The following CAP2 variants were observed in gnomAD, a reference collection of about 807,000 sequenced individuals.
CAP2 encodes adenylyl cyclase-associated protein 2.
In CAP2, 24 loss-of-function variants were observed where a neutral mutation model predicts 57.7. The ratio of observed to expected loss-of-function variants is 0.42; its 90% CI spans 0.30 to 0.58. CAP2 has a LOEUF of 0.58. Ranked by LOEUF, CAP2 falls within the 20% of genes least tolerant of loss-of-function variation. CAP2 has a pLI of 0.22. For synonymous variants in CAP2, 194 were observed against 207.2 expected (o/e 0.94, Z 0.55); for missense variants, 501 against 590.3 (o/e 0.85, Z 1.57).
At chr6:17,464,199 C>T (rs899653916) in intron 4 of CAP2, among the ~76,000 whole-genome samples, 1 of 152,140 alleles carries the variant, frequency 6.6e-6, no homozygotes, top group Non-Finnish European at 1.5e-5. Context: ...AGTAGTGGCA[C>T]TACCAGCATA....
At chr6:17,528,600 G>T (rs555426350) in intron 7 of CAP2, among the ~76,000 whole-genome samples, 35 of 152,180 alleles carry the variant, frequency 2.3e-4, no homozygotes, top group African/African-American at 7.9e-4. Flanking sequence ...TGAGTTTTTT[G>T]ACCTTTCCCC....
At chr6:17,433,848 C>T (rs1380823653) in intron 3 of CAP2, among the ~76,000 whole-genome samples, 1 of 152,190 alleles carries the variant, frequency 6.6e-6, no homozygotes, top group Non-Finnish European at 1.5e-5. Flanking sequence ...CCTGTGACTC[C>T]TTTTTTACTT....
intron 4 of CAP2, among the ~76,000 whole-genome samples, chr6:17,484,279 C>T (rs1297219238): frequency 6.6e-6 from 1 of 151,998 alleles, no homozygotes; most frequent in Non-Finnish European, 1.5e-5. Context: ...AGCAGTTGCA[C>T]GAGTCTGCGT....
At chr6:17,406,351 C>T (rs932020514) in intron 1 of CAP2, among the ~76,000 whole-genome samples, 5 of 150,856 alleles carry the variant, frequency 3.3e-5, no homozygotes, top group Non-Finnish European at 7.4e-5. Flanking sequence ...CTCTGTGGAC[C>T]ACAAGGTCCC....
At chr6:17,456,747 A>G (rs571749296) in intron 3 of CAP2, among the ~76,000 whole-genome samples, 57 of 152,262 alleles carry the variant, frequency 3.7e-4, no homozygotes, top group African/African-American at 1.2e-3. Context: ...TTTCAGAAGG[A>G]TCTGGAAATG....
Position 17,454,352 on chromosome 6 carries a change from G to A in CAP2, c.223-8644G>A, listed in dbSNP as rs1044006057. ...GCTTTGGAGGCCAGGCAAAATTCTA[G>A]ACTCATCCAAGCCTTTTATAAGAAA... On this transcript the variant is annotated intron_variant, in intron 3 of 12. Transcript: ENST00000229922. 3.4e-4 allele frequency among the ~76,000 whole-genome samples: 51 copies of A among 151,998 alleles called. 1 individual carries two copies. The highest frequency in any genetic ancestry group is 1.0e-3 in the African/African-American group (43 of 41,370).
At chr6:17,411,905 T>C (rs890401367) in intron 1 of CAP2, among the ~76,000 whole-genome samples, 1 of 152,160 alleles carries the variant, frequency 6.6e-6, no homozygotes, top group Non-Finnish European at 1.5e-5. Context: ...AGAAAGAGCT[T>C]CCTCAACTGC....
chr6:17,487,562 C>T lies in CAP2; in HGVS notation c.301-19607C>T, dbSNP rs181422833. 3.3e-3 allele frequency among the ~76,000 whole-genome samples: 509 copies of T among 152,146 alleles called. 3 individuals are homozygous for T. Among genetic ancestry groups the T allele is most frequent in the African/African-American group, 0.011 (465 of 41,510 alleles). On this transcript the variant is annotated intron_variant, in intron 4 of 12. Transcript: ENST00000229922. ...TTGGCTCACTGCAACCTCCGCCTCC[C>T]GGGTTCAAGCGATTCTCCTGCCTCA...
At chr6:17,450,270 C>T (rs998617416) in intron 3 of CAP2, among the ~76,000 whole-genome samples, 20 of 152,100 alleles carry the variant, frequency 1.3e-4, no homozygotes, top group African/African-American at 4.6e-4. Flanking sequence ...CCAGGATGGT[C>T]TCTATCTCCT....
intron 4 of CAP2, among the ~76,000 whole-genome samples, chr6:17,491,417 A>T (rs1761539548): frequency 2.0e-5 from 3 of 152,312 alleles, no homozygotes; most frequent in South Asian, 4.1e-4. Context: ...GCTATCCATG[A>T]TATGCTTTTT....
At chr6:17,520,074 T>C (rs1326989088) in intron 7 of CAP2, among the ~76,000 whole-genome samples, 1 of 152,124 alleles carries the variant, frequency 6.6e-6, no homozygotes, top group Non-Finnish European at 1.5e-5. Context: ...GTAATAGTGA[T>C]GTAGTTCTAT....
intron 4 of CAP2, among the ~76,000 whole-genome samples, chr6:17,481,192 G>T (rs1308215138): frequency 6.6e-6 from 1 of 151,958 alleles, no homozygotes; most frequent in Non-Finnish European, 1.5e-5. Context: ...CTGTTCACAT[G>T]TGCTTTTTGA....
chr6:17,441,056 A>C (rs1760061165), intron 3 of CAP2, among the ~76,000 whole-genome samples: 1 of 151,516 alleles, frequency 6.6e-6, no homozygotes, highest in Non-Finnish European at 1.5e-5. Context: ...TTAAGCAAGA[A>C]GATTGTTGAA....
intron 1 of CAP2, among the ~76,000 whole-genome samples, chr6:17,406,954 A>G (rs1009801590): frequency 2.0e-5 from 3 of 152,120 alleles, no homozygotes; most frequent in African/African-American, 7.2e-5. Flanking sequence ...ATGAGAAAAA[A>G]ACCAGCATTT....
chr6:17,438,850 C>T (rs9350044), intron 3 of CAP2, among the ~76,000 whole-genome samples: 95,914 of 148,786 alleles, frequency 0.64, 32,712 homozygotes, highest in African/African-American at 0.86. Flanking sequence ...CGGTGGCTCA[C>T]GCCTATAATC....
intron 12 of CAP2, among the ~76,000 whole-genome samples, chr6:17,553,964 G>A (rs1315821836): frequency 2.6e-5 from 4 of 152,194 alleles, no homozygotes; most frequent in Non-Finnish European, 4.4e-5. Flanking sequence ...ATCCAGAAGA[G>A]CCCCAGAAGG....
At chr6:17,393,880 T>C (rs1758601403) in intron 1 of CAP2, 134 bp downstream of exon 1, 1 of 143,174 alleles carries the variant, frequency 7.0e-6, no homozygotes, top group Non-Finnish European at 1.5e-5. Context: ...GCTGCGGCTG[T>C]GGCAGCAGCG....
At chr6:17,406,030 C>T (rs375283195) in intron 1 of CAP2, among the ~76,000 whole-genome samples, 7 of 152,150 alleles carry the variant, frequency 4.6e-5, no homozygotes, top group Middle Eastern at 3.4e-3. Context: ...TGTGAGCGAC[C>T]GCGCCCAGCC....
intron 7 of CAP2, among the ~76,000 whole-genome samples, chr6:17,532,740 T>TA (rs1554129687): frequency 9.7e-5 from 12 of 124,250 alleles, no homozygotes; most frequent in Non-Finnish European, 1.2e-4. Flanking sequence ...TGAGCGATAC[T>TA]AAAAAAAAAA....
Sources: gnomAD v4.1 joint callset for allele counts (sites outside exome capture counted in the v4.1 genomes callset) on GRCh38, gnomAD v4.1.1 for gene constraint, MANE v1.5 for transcripts, NCBI Gene and HGNC (gene_info 2026-07-23, HGNC 2026-07-21) for gene names.